Variants in PRKCE observed in about 807,000 individuals in gnomAD.
PRKCE encodes the protein protein kinase C epsilon.
A neutral mutation model predicts 85.4 loss-of-function variants in PRKCE; 16 were observed. The observed-to-expected ratio is 0.19, with a 90% CI of 0.13 to 0.28. The LOEUF is 0.28. Ranked by LOEUF, PRKCE falls within the 10% of genes least tolerant of loss-of-function variation. PRKCE has a pLI of 1.00. For synonymous variants in PRKCE, 388 were observed against 371.5 expected, an observed-to-expected ratio of 1.04 and a Z score of -0.51; for missense variants, 573 against 975.2, an observed-to-expected ratio of 0.59 and a Z score of 5.49.
intron 1 of PRKCE, chr2:45,676,314 T>C (rs1219576351): frequency 6.6e-6 from 1 of 152,246 alleles, no homozygotes; most frequent in Non-Finnish European, 1.5e-5. Flanking sequence ...TGCCTCATAA[T>C]GCAAGTATTC....
At chr2:45,926,746 C>T (rs2103994003) in intron 2 of PRKCE, among the ~76,000 whole-genome samples, 1 of 152,272 alleles carries the variant, frequency 6.6e-6, no homozygotes, top group Non-Finnish European at 1.5e-5. Flanking sequence ...CTCCTGTGGG[C>T]CAGAGGCACC....
intron 2 of PRKCE, among the ~76,000 whole-genome samples, chr2:45,874,964 T>C (rs1396959057): frequency 1.3e-5 from 2 of 152,088 alleles, no homozygotes; most frequent in Non-Finnish European, 1.5e-5. Flanking sequence ...GTTTTTCTCA[T>C]TACGGAAAGG....
At chr2:46,125,890 G>A (rs1029408123) in intron 11 of PRKCE, among the ~76,000 whole-genome samples, 4 of 152,134 alleles carry the variant, frequency 2.6e-5, no homozygotes, top group Non-Finnish European at 4.4e-5. Context: ...CCAGTTGTAC[G>A]TGTCTTCGTT....
intron 1 of PRKCE, among the ~76,000 whole-genome samples, chr2:45,716,637 A>G (rs1680122935): frequency 8.7e-6 from 1 of 115,430 alleles, no homozygotes; most frequent in South Asian, 2.7e-4. Context: ...AAGGAGAAGA[A>G]GAAGAAGAAG....
chr2:45,999,833 A>G (rs561672889), intron 6 of PRKCE, among the ~76,000 whole-genome samples: 5 of 152,166 alleles, frequency 3.3e-5, no homozygotes, highest in African/African-American at 9.6e-5. Context: ...TGAAGCTGCT[A>G]TGGATATATC....
intron 1 of PRKCE, among the ~76,000 whole-genome samples, chr2:45,731,615 G>A (rs989597257): frequency 1.4e-5 from 2 of 139,244 alleles, no homozygotes. Flanking sequence ...TGAATTCCTG[G>A]AATTTTTTTT....
At chr2:46,129,514 C>T (rs559342372) in intron 11 of PRKCE, among the ~76,000 whole-genome samples, 5 of 152,214 alleles carry the variant, frequency 3.3e-5, no homozygotes, top group Non-Finnish European at 5.9e-5. Context: ...GTGCCAAGAA[C>T]AGCGCATGTC....
At chr2:46,025,333 GC>G (rs1707018896) in intron 10 of PRKCE, among the ~76,000 whole-genome samples, 1 of 152,196 alleles carries the variant, frequency 6.6e-6, no homozygotes, top group South Asian at 2.1e-4. Flanking sequence ...GAAGTGTTCT[GC>G]TTCAGTATAC....
chr2:45,842,252 C>G (rs1691411524), intron 1 of PRKCE, among the ~76,000 whole-genome samples: 1 of 152,184 alleles, frequency 6.6e-6, no homozygotes, highest in Admixed American at 6.5e-5. Context: ...GGTGCCTGTG[C>G]TGTTTCTTAC....
chr2:45,652,496 C>A lies in PRKCE; in HGVS notation c.348+48C>A. 6.7e-7 allele frequency: 1 copy of A among 1,501,178 alleles called. No individual in the cohort carries two copies. Among genetic ancestry groups the A allele is most frequent in the Non-Finnish European group, 9.0e-7 (1 of 1,112,182 alleles). 93.0% of individuals were successfully genotyped at this position (1,501,178 alleles called of 1,614,324 possible). On this transcript the variant is annotated intron_variant, in intron 1 of 14. Transcript: ENST00000306156. This position sits in a 1 kb window ranked among gnomAD's most constrained non-coding sequence, Gnocchi z 7.7. ...ATTCCGGGAACCCGGTTGTGGGGTC[C>A]CGGGGAAAGACTCGCTGGTCTTGAT...
intron 2 of PRKCE, among the ~76,000 whole-genome samples, chr2:45,904,234 T>G (rs62127259): frequency 6.0e-4 from 92 of 152,108 alleles, no homozygotes; most frequent in Non-Finnish European, 1.1e-3. Context: ...TTTTAGATTC[T>G]CTTAAAAATG....
intron 10 of PRKCE, among the ~76,000 whole-genome samples, chr2:46,079,743 CT>C (rs1475176299): frequency 2.6e-5 from 4 of 152,196 alleles, no homozygotes; most frequent in Admixed American, 2.6e-4. Flanking sequence ...AACCTAACTG[CT>C]GCTAAGGAGA....
At chr2:45,808,933 C>T (rs909984933) in intron 1 of PRKCE, among the ~76,000 whole-genome samples, 1 of 152,186 alleles carries the variant, frequency 6.6e-6, no homozygotes, top group African/African-American at 2.4e-5. Context: ...ATATATCCTA[C>T]TCCCTCCTGT....
intron 2 of PRKCE, among the ~76,000 whole-genome samples, chr2:45,854,631 C>A (rs923554366): frequency 7.2e-5 from 11 of 152,162 alleles, no homozygotes; most frequent in African/African-American, 2.7e-4. Flanking sequence ...ATGGTTAAGC[C>A]AATGCTCAGG....
intron 10 of PRKCE, among the ~76,000 whole-genome samples, chr2:46,061,526 C>T (rs1490896071): frequency 6.6e-6 from 1 of 152,182 alleles, no homozygotes; most frequent in Non-Finnish European, 1.5e-5. Context: ...GGGCCAATGA[C>T]CTAGAGCAGT....
chr2:46,059,191 GGC>G (rs1334354527), intron 10 of PRKCE, among the ~76,000 whole-genome samples: 1 of 111,174 alleles, frequency 9.0e-6, no homozygotes, highest in African/African-American at 6.1e-5. Context: ...AGGAGGTTAA[GGC>G]TACAGTGAGC....
intron 14 of PRKCE, among the ~76,000 whole-genome samples, chr2:46,165,102 C>A (rs1026307057): frequency 6.6e-6 from 1 of 152,220 alleles, no homozygotes; most frequent in Non-Finnish European, 1.5e-5. Flanking sequence ...CCCTGACTCA[C>A]CAGCTGTCAC....
intron 2 of PRKCE, among the ~76,000 whole-genome samples, chr2:45,911,617 T>A (rs2103832747): frequency 6.6e-6 from 1 of 152,320 alleles, no homozygotes; most frequent in East Asian, 1.9e-4. Flanking sequence ...TCAGTCTCTG[T>A]CAGTCCATTT....
intron 1 of PRKCE, among the ~76,000 whole-genome samples, chr2:45,660,148 G>A (rs1171024470): frequency 6.6e-6 from 1 of 152,172 alleles, no homozygotes; most frequent in Admixed American, 6.5e-5. Flanking sequence ...ATGGGGTTTG[G>A]TAACACAAAA....
Sources: allele counts gnomAD v4.1 joint callset (sites outside exome capture counted in the v4.1 genomes callset), GRCh38; gene constraint gnomAD v4.1.1; non-coding constraint Gnocchi (gnomAD v3.1); transcripts MANE v1.5; gene names NCBI Gene and HGNC (gene_info 2026-07-23, HGNC 2026-07-21).